The following HM13 variants were observed in gnomAD, a reference collection of about 807,000 sequenced individuals.
HM13 encodes the protein signal peptide peptidase.
Under a neutral mutation model 50.0 loss-of-function variants are expected in HM13, and 18 were observed. That is an observed-to-expected ratio of 0.36 (90% CI 0.25 to 0.53). The LOEUF (loss-of-function observed/expected upper bound fraction) is 0.53. Ranked by LOEUF, HM13 falls within the 20% of genes least tolerant of loss-of-function variation. The pLI is 0.90. For synonymous variants in HM13, 197 were observed against 232.6 expected (o/e 0.85, Z 1.39); for missense variants, 393 against 552.4 (o/e 0.71, Z 2.89).
chr20:31,522,766 T>G (rs1982249691), intron 1 of HM13, among the ~76,000 whole-genome samples: 1 of 152,112 alleles, frequency 6.6e-6, no homozygotes, highest in African/African-American at 2.4e-5. Context: ...TGTATACGGT[T>G]TAAATGATGA....
intron 4 of HM13, among the ~76,000 whole-genome samples, chr20:31,546,194 C>T (rs1445717531): frequency 6.6e-6 from 1 of 151,394 alleles, no homozygotes; most frequent in Non-Finnish European, 1.5e-5. Context: ...GGACTACAGG[C>T]GCCCGCCACT....
intron 10 of HM13, among the ~76,000 whole-genome samples, chr20:31,565,545 A>T (rs990902909): frequency 1.3e-5 from 2 of 151,806 alleles, no homozygotes; most frequent in Non-Finnish European, 2.9e-5. Context: ...CTCCTTGTGA[A>T]GCATTGGTCT....
intron 4 of HM13, among the ~76,000 whole-genome samples, chr20:31,546,907 A>G (rs1177567478): frequency 6.6e-6 from 1 of 152,144 alleles, no homozygotes; most frequent in African/African-American, 2.4e-5. Context: ...TGGGCGACAG[A>G]GCAAGACCCC....
intron 2 of HM13, among the ~76,000 whole-genome samples, chr20:31,529,204 A>G (rs1982667662): frequency 6.6e-6 from 1 of 151,202 alleles, no homozygotes; most frequent in African/African-American, 2.4e-5. Context: ...CTGAAGCACT[A>G]AGATTACAGA....
At chr20:31,548,926 C>G (rs751659297) in intron 4 of HM13, 103 bp from the exon 5 acceptor site, 2 of 1,008,388 alleles carry the variant, frequency 2.0e-6, no homozygotes, top group Non-Finnish European at 1.6e-6. Flanking sequence ...AGCCTGTGAA[C>G]CTCTCACAGT....
Position 31,545,166 on chromosome 20 carries a change from T to G in HM13, c.454+131T>G, listed in dbSNP as rs2122610367. On this transcript the variant is annotated intron_variant, in intron 4 of 12. Coordinates refer to ENST00000398174, the MANE Select transcript of HM13 (RefSeq NM_178581.3). Reference sequence around the variant, plus strand: ...GGGCTCTGGAATTCCATGGCCTGGATTCACATTCCAACTCTGCTATTGTCT... The same window carrying G: ...GGGCTCTGGAATTCCATGGCCTGGAGTCACATTCCAACTCTGCTATTGTCT... 5.5e-6 allele frequency: 4 copies of G among 725,044 alleles called. No individual in the cohort carries two copies. The South Asian group carries it at 6.3e-5, about 11-fold the overall frequency. The allele number at this position is 725,044 out of a possible 1,614,324, so 44.9% of individuals were successfully genotyped here. A position where few individuals can be genotyped will look rare whatever the true frequency, so the allele number is the denominator to read the frequency against.
chr20:31,562,893 A>G (rs1984695259), intron 10 of HM13, among the ~76,000 whole-genome samples: 1 of 152,190 alleles, frequency 6.6e-6, no homozygotes, highest in South Asian at 2.1e-4. Flanking sequence ...AGGGTCACAG[A>G]GAGTGACTGG....
chr20:31,537,843 G>A (rs906266989), intron 2 of HM13, among the ~76,000 whole-genome samples: 1 of 152,180 alleles, frequency 6.6e-6, no homozygotes, highest in Non-Finnish European at 1.5e-5. Context: ...GGTTCCAACA[G>A]CTCTCCTGGG....
At chr20:31,516,364 C>T (rs1188959807) in intron 1 of HM13, among the ~76,000 whole-genome samples, 1 of 152,208 alleles carries the variant, frequency 6.6e-6, no homozygotes, top group African/African-American at 2.4e-5. Context: ...ACTTCCACCA[C>T]TGTCAGGGGT....
At position 31,554,835 on chromosome 20, in the gene HM13, C is replaced by T. The variant is rs552185572; in HGVS notation, c.808+6C>T. On this transcript the variant is annotated splice_donor_region_variant and intron_variant, in intron 8 of 12. Coordinates refer to ENST00000398174, the MANE Select transcript of HM13 (RefSeq NM_178581.3). ...TGGAGATGTCGTCATTCCAGGTGAG[C>T]CTGCTGGTGTGGGGGCTATGTGAAA... 4.3e-6 allele frequency: 7 copies of T among 1,612,404 alleles called. No homozygotes were observed. In the Admixed American group the frequency reaches 8.3e-5, roughly 19 times the overall value.
intron 1 of HM13, among the ~76,000 whole-genome samples, chr20:31,525,245 CT>C (rs1223901857): frequency 6.6e-6 from 1 of 152,154 alleles, no homozygotes; most frequent in Non-Finnish European, 1.5e-5. Context: ...CCTCCCTCTC[CT>C]AGTAGTCATT....
intron 12 of HM13, 112 bp downstream of exon 12, chr20:31,568,336 G>A: frequency 7.2e-7 from 1 of 1,389,096 alleles, no homozygotes. Context: ...CCAGGAGTAG[G>A]CCGCAAGAGC....
intron 7 of HM13, chr20:31,550,477 C>T (rs1364270583): frequency 8.4e-6 from 2 of 239,300 alleles, no homozygotes; most frequent in African/African-American, 2.2e-5. Flanking sequence ...ACCTGAGTGT[C>T]GGGTGCTGTC....
chr20:31,529,443 G>A (rs535919569), intron 2 of HM13, among the ~76,000 whole-genome samples: 1 of 149,004 alleles, frequency 6.7e-6, no homozygotes, highest in Non-Finnish European at 1.5e-5. Context: ...ATGGGGTTTT[G>A]CATGTTGCCC....
intron 7 of HM13, among the ~76,000 whole-genome samples, chr20:31,553,376 T>C (rs1984132944): frequency 6.6e-6 from 1 of 151,944 alleles, no homozygotes; most frequent in Non-Finnish European, 1.5e-5. Flanking sequence ...ATTTTCCTGA[T>C]TGGCTTAGTC....
intron 8 of HM13, among the ~76,000 whole-genome samples, chr20:31,555,263 C>T (rs1568796317): frequency 6.6e-6 from 1 of 152,256 alleles, no homozygotes; most frequent in Non-Finnish European, 1.5e-5. Context: ...CCCTAGCCCC[C>T]TTGCTCCTCC....
chr20:31,519,674 C>G (rs1227401266), intron 1 of HM13, among the ~76,000 whole-genome samples: 2 of 152,164 alleles, frequency 1.3e-5, no homozygotes, highest in African/African-American at 4.8e-5. Flanking sequence ...GATTCTGATG[C>G]ATGCTCAAAT....
chr20:31,549,266 G>A lies in HM13; in HGVS notation c.600G>A (p.Leu200=). 1 of 1,614,204 alleles carries A rather than the reference G, an allele frequency of 6.2e-7. No homozygotes were observed. The highest frequency in any genetic ancestry group is 1.3e-5 in the African/African-American group (1 of 75,048). Residue 200 remains leucine, a synonymous_variant, in exon 6 of 13, where the codon CTG becomes CTA. Transcript: ENST00000398174. ...LAFSLNGVEL[L]HLNNVSTGCI... ...TCTCCCTTAATGGAGTAGAGCTCCT[G>A]CACCTCAACAATGTCAGCACTGGCT...
rs754996677 is a variant in HM13, at chr20:31,550,066, A to G, written c.669A>G (p.Val223=). The change falls in exon 7 of 13, where the codon GTA becomes GTG. Residue 223 remains valine (V), a splice_region_variant and synonymous_variant. Transcript: ENST00000398174. ...CTGCTCTTTTTTTCTCCTTCTAGGT[A>G]TTTGGCACCAATGTGATGGTGACAG... The part of the protein sequence containing the change: ...GGLFIYDVFW[V]FGTNVMVTVA... 1.2e-5 allele frequency: 20 copies of G among 1,612,024 alleles called. No individual in the cohort carries two copies. Among genetic ancestry groups the G allele is most frequent in the Non-Finnish European group, 1.6e-5 (19 of 1,178,716 alleles).
Sources: allele counts gnomAD v4.1 joint callset (sites outside exome capture counted in the v4.1 genomes callset), GRCh38; gene constraint gnomAD v4.1.1; transcripts MANE v1.5; gene names NCBI Gene and HGNC (gene_info 2026-07-23, HGNC 2026-07-21).